Variants in SLC39A6 observed in about 807,000 individuals in gnomAD.
SLC39A6 encodes the protein zinc transporter ZIP6.
Under a neutral mutation model 63.5 loss-of-function variants are expected in SLC39A6, and 51 were observed. The ratio of observed to expected loss-of-function variants is 0.80; its 90% CI spans 0.64 to 1.01. The LOEUF (loss-of-function observed/expected upper bound fraction) is 1.01, where lower values mean the gene tolerates loss of function less well. Ranked by LOEUF, SLC39A6 falls within the 50% of genes least tolerant of loss-of-function variation. The pLI, the probability that SLC39A6 is intolerant of heterozygous loss-of-function variation, is 0.00. For synonymous variants in SLC39A6, 318 were observed against 324.7 expected (o/e 0.98, Z 0.22); for missense variants, 805 against 927.8 (o/e 0.87, Z 1.72).
chr18:36,120,670 G>T (rs535219688), intron 5 of SLC39A6, among the ~76,000 whole-genome samples: 29 of 151,200 alleles, frequency 1.9e-4, no homozygotes, highest in Non-Finnish European at 3.4e-4. Flanking sequence ...TTCTTTTTTG[G>T]GGGGTAGAGA....
In SLC39A6 at chr18:36,126,414, T is replaced by C; in HGVS notation, c.594A>G (p.Gly198=). ...TSTVYNTVSE[G]THFLETIETP... ...TCTCTATTGTCTCTAGAAAGTGAGT[T>C]CCTTCAGAGACAGTGTTGTACACAG... The change falls in exon 2 of 10, where the codon GGA becomes GGG. Residue 198 remains glycine (G), a synonymous_variant. Transcript: ENST00000269187. 1 of 1,614,234 alleles carries C rather than the reference T, an allele frequency of 6.2e-7. No homozygotes were observed. Among genetic ancestry groups the C allele is most frequent in the South Asian group, 1.1e-5 (1 of 91,084 alleles).
In SLC39A6 at chr18:36,126,502, G is replaced by A; in HGVS notation, c.506C>T (p.Pro169Leu). ...RNSQGKGAHR[P>L]EHASGRRNVK... ...ATTCCTTCTACCACTGGCATGTTCT[G>A]GTCGGTGAGCTCCTTTCCCCTGGCT... is the stretch of plus-strand genomic sequence containing the variant. Residue 169 changes from proline (P) to leucine (L), a missense_variant, in exon 2 of 10, where the codon CCA (proline) becomes CTA (leucine). Around this residue, in one of 4 missense-constraint regions of SLC39A6, gnomAD observed 639 missense variants for 644.0 expected, o/e 0.99. Coordinates refer to ENST00000269187, the MANE Select transcript of SLC39A6 (RefSeq NM_012319.4). 1 of 1,614,240 alleles carries A rather than the reference G, an allele frequency of 6.2e-7. No homozygotes were observed. The highest frequency in any genetic ancestry group is 8.5e-7 in the Non-Finnish European group (1 of 1,180,042).
chr18:36,123,890 A>G (rs1189626070), intron 3 of SLC39A6, among the ~76,000 whole-genome samples: 1 of 152,172 alleles, frequency 6.6e-6, no homozygotes, highest in Non-Finnish European at 1.5e-5. Flanking sequence ...CCAGGTAAGG[A>G]GCATAGCTCT....
In SLC39A6 at chr18:36,122,190, C is replaced by A. The variant is rs772372956; in HGVS notation, c.1221G>T (p.Leu407=). The A allele has an allele frequency of 1.9e-6, 3 of 1,614,008 alleles. No homozygotes were observed. The highest frequency in any genetic ancestry group is 2.5e-6 in the Non-Finnish European group (3 of 1,179,910). ...CACTTTCTTCTATGTTTTGAGAAGA[C>A]AGATGACTGAAAAGTGGTCCTCTTT... is the stretch of plus-strand genomic sequence containing the variant. ...EMKRGPLFSH[L]SSQNIEESAY... is the part of the protein sequence containing the mutation. Residue 407 remains leucine, a synonymous_variant, in exon 5 of 10, where the codon CTG becomes CTT. Transcript: ENST00000269187.
In SLC39A6 at chr18:36,109,445, T is replaced by C. The variant is rs1360385483; in HGVS notation, c.*148A>G. ...TTAAATATTAAAACGTACCTTTAAC[T>C]GACTTTGTAACAGACAGCAATATTC... On this transcript the variant is annotated 3_prime_UTR_variant, in exon 10 of 10. Coordinates refer to ENST00000269187, the MANE Select transcript of SLC39A6 (RefSeq NM_012319.4). The C allele has an allele frequency of 1.2e-5, 7 of 565,878 alleles. No homozygotes were observed. The Admixed American group carries it at 1.3e-4, about 10-fold the overall frequency. 35.1% of individuals were successfully genotyped at this position (565,878 alleles called of 1,614,324 possible).
chr18:36,112,646 T>G, intron 7 of SLC39A6, 65 bp from the exon 8 acceptor site: 1 of 1,213,050 alleles, frequency 8.2e-7, no homozygotes, highest in Non-Finnish European at 1.2e-6. Context: ...CTTATCAGTA[T>G]GCAAAATGAG....
At chr18:36,114,611 T>A in intron 6 of SLC39A6, 137 bp from the exon 7 acceptor site, 1 of 594,962 alleles carries the variant, frequency 1.7e-6, no homozygotes, top group Non-Finnish European at 2.9e-6. Context: ...GAACTAAATA[T>A]TAAAGTATTA....
intron 6 of SLC39A6, among the ~76,000 whole-genome samples, chr18:36,115,441 C>CAA (rs78156263): frequency 7.0e-5 from 7 of 100,332 alleles, no homozygotes; most frequent in Admixed American, 1.1e-4. Context: ...GACTCCGTCT[C>CAA]AAAAAAAAAA....
intron 7 of SLC39A6, among the ~76,000 whole-genome samples, chr18:36,113,186 C>T (rs1487016532): frequency 6.6e-6 from 1 of 151,962 alleles, no homozygotes; most frequent in East Asian, 1.9e-4. Flanking sequence ...CCTCAAACTC[C>T]CGGGCTCAAG....
intron 4 of SLC39A6, 106 bp downstream of exon 4, chr18:36,123,388 TA>T: frequency 9.4e-7 from 1 of 1,067,476 alleles, no homozygotes; most frequent in Non-Finnish European, 1.3e-6. Context: ...TAAGCTTTTC[TA>T]AACCAAATTT....
Position 36,114,492 on chromosome 18 carries a change from G to C in SLC39A6, c.1466-18C>G. ...TTCAGTTCCTAGGAATAAACATAAA[G>C]GGCATGGGGACAGTTAGAAGGCTTT... On this transcript the variant is annotated intron_variant, in intron 6 of 9. Coordinates refer to ENST00000269187, the MANE Select transcript of SLC39A6 (RefSeq NM_012319.4). 1.3e-6 allele frequency: 2 copies of C among 1,584,474 alleles called. No individual in the cohort carries two copies. Among genetic ancestry groups the C allele is most frequent in the African/African-American group, 2.7e-5 (2 of 74,368 alleles).
In SLC39A6 at chr18:36,109,641, T is replaced by C. The variant is rs2089285108; in HGVS notation, c.2220A>G (p.Leu740=). 1 of 1,610,650 alleles carries C rather than the reference T, an allele frequency of 6.2e-7. No individual in the cohort carries two copies. Among genetic ancestry groups the C allele is most frequent in the Admixed American group, 1.7e-5 (1 of 59,912 alleles). ...AGMLLGFGIM[L]LISIFEHKIV... ...TTTTATGTTCAAATATGGAAATAAG[T>C]AACATAATTCCAAAACCCAAAAGCA... is the stretch of plus-strand genomic sequence containing the variant. The change falls in exon 10 of 10, where the codon TTA becomes TTG. Residue 740 remains leucine, a synonymous_variant. Coordinates refer to ENST00000269187, the MANE Select transcript of SLC39A6 (RefSeq NM_012319.4).
chr18:36,119,367 A>C (rs1334784050), intron 5 of SLC39A6, among the ~76,000 whole-genome samples: 1 of 152,130 alleles, frequency 6.6e-6, no homozygotes, highest in Non-Finnish European at 1.5e-5. Context: ...TAAACATTCA[A>C]TATTTACTAC....
In SLC39A6 at chr18:36,111,311, C is replaced by G. The variant is rs920824470; in HGVS notation, c.1925-62G>C. 2.0e-6 allele frequency: 3 copies of G among 1,499,068 alleles called. No individual in the cohort carries two copies. The African/African-American group carries it at 4.2e-5, about 21-fold the overall frequency. The allele number at this position is 1,499,068 out of a possible 1,614,324, so 92.9% of individuals were successfully genotyped here. A position where few individuals can be genotyped will look rare whatever the true frequency, so the allele number is the denominator to read the frequency against. ...GAGAAATCATTTTTAAGACACATAC[C>G]AAGATACTTCCCAGATTTAAGAAAA... is the stretch of plus-strand genomic sequence containing the variant. On this transcript the variant is annotated intron_variant, in intron 8 of 9. Coordinates refer to ENST00000269187, the MANE Select transcript of SLC39A6 (RefSeq NM_012319.4).
chr18:36,119,322 C>T (rs1027874118), intron 5 of SLC39A6, among the ~76,000 whole-genome samples: 1 of 152,158 alleles, frequency 6.6e-6, no homozygotes, highest in South Asian at 2.1e-4. Context: ...AAGTCTTCAT[C>T]TAGAAATTAT....
chr18:36,126,124 T>G, intron 2 of SLC39A6, 95 bp downstream of exon 2: 1 of 1,221,682 alleles, frequency 8.2e-7, no homozygotes. Context: ...TTCAACATTT[T>G]ACTTTTACTT....
intron 2 of SLC39A6, among the ~76,000 whole-genome samples, chr18:36,125,236 G>A (rs2089426446): frequency 6.6e-6 from 1 of 151,832 alleles, no homozygotes; most frequent in Admixed American, 6.6e-5. Context: ...TGGAGGGCAA[G>A]GCTGGTTAAT....
chr18:36,127,861 C>T (rs1197401895), intron 1 of SLC39A6, among the ~76,000 whole-genome samples: 1 of 150,916 alleles, frequency 6.6e-6, no homozygotes, highest in Non-Finnish European at 1.5e-5. Flanking sequence ...AGATCCTCCA[C>T]CTCCAATTCC....
intron 1 of SLC39A6, among the ~76,000 whole-genome samples, 178 bp from the exon 2 acceptor site, chr18:36,127,194 C>T (rs892966433): frequency 6.6e-6 from 1 of 152,212 alleles, no homozygotes; most frequent in Non-Finnish European, 1.5e-5. Flanking sequence ...CTAGGCTCTA[C>T]CCTTGCATTC....
Sources: allele counts gnomAD v4.1 joint callset (sites outside exome capture counted in the v4.1 genomes callset), GRCh38; gene constraint gnomAD v4.1.1; regional missense constraint gnomAD v4.1.1; transcripts MANE v1.5; gene names NCBI Gene and HGNC (gene_info 2026-07-23, HGNC 2026-07-21).